The following MDGA2 variants were observed in gnomAD, a reference collection of about 807,000 sequenced individuals.
The protein encoded by MDGA2 is MAM domain-containing glycosylphosphatidylinositol anchor protein 2.
In MDGA2, 40 loss-of-function variants were observed where a neutral mutation model predicts 117.8. The observed-to-expected ratio is 0.34, with a 90% CI of 0.26 to 0.44. The LOEUF is 0.44. MDGA2 is among the 20% of genes least tolerant of loss of function. The probability of loss-of-function intolerance (pLI) is 1.00; values close to 1 mark genes in which losing one functional copy is unlikely to be tolerated. For synonymous variants in MDGA2, 452 were observed against 439.0 expected (o/e 1.03, Z -0.37); for missense variants, 1,123 against 1,250.6 (o/e 0.90, Z 1.54).
At chr14:47,000,053 TTA>T (rs890652661) in intron 8 of MDGA2, among the ~76,000 whole-genome samples, 1 of 151,780 alleles carries the variant, frequency 6.6e-6, no homozygotes, top group African/African-American at 2.4e-5. Context: ...TTTACAACTT[TTA>T]GTTATCTTGC....
At chr14:46,939,169 G>A (rs1046441245) in intron 9 of MDGA2, among the ~76,000 whole-genome samples, 3 of 152,112 alleles carry the variant, frequency 2.0e-5, no homozygotes, top group Non-Finnish European at 2.9e-5. Context: ...CAAAATTACA[G>A]ATAGGAGGGA....
chr14:47,107,063 C>T (rs140784141), intron 5 of MDGA2, among the ~76,000 whole-genome samples: 2,375 of 130,126 alleles, frequency 0.018, 97 homozygotes, highest in Non-Finnish European at 0.028. Flanking sequence ...CTTCTATCCC[C>T]CCACCTTAAC....
chr14:47,193,714 G>A (rs971484154), intron 3 of MDGA2, among the ~76,000 whole-genome samples: 2 of 152,302 alleles, frequency 1.3e-5, no homozygotes, highest in African/African-American at 4.8e-5. Flanking sequence ...TCCTAGCCTG[G>A]ATTCACAGCA....
In MDGA2 at chr14:47,600,703, G is replaced by A. The variant is rs543150814; in HGVS notation, c.280+73814C>T. ...TGTCCTGGTAAACTACACGAGTTGT[G>A]TCTTTTCTCATCGGATCATTAAAAA... On this transcript the variant is annotated intron_variant, in intron 1 of 16. Coordinates refer to ENST00000399232, the MANE Select transcript of MDGA2 (RefSeq NM_001113498.3). Among the ~76,000 whole-genome samples the A allele has an allele frequency of 5.4e-5, 8 of 148,484 alleles. 1 individual carries two copies. Among genetic ancestry groups the A allele is most frequent in the African/African-American group, 2.1e-4 (8 of 38,676 alleles).
chr14:47,552,885 T>G (rs1895611147), intron 1 of MDGA2, among the ~76,000 whole-genome samples: 1 of 152,250 alleles, frequency 6.6e-6, no homozygotes, highest in Non-Finnish European at 1.5e-5. Context: ...ACATCATCTT[T>G]GTACTTACGT....
At chr14:47,382,036 A>G (rs1184769703) in intron 1 of MDGA2, among the ~76,000 whole-genome samples, 1 of 152,236 alleles carries the variant, frequency 6.6e-6, no homozygotes, top group African/African-American at 2.4e-5. Flanking sequence ...CAGAGCCCTC[A>G]AAAATAATAC....
At chr14:47,413,626 C>T (rs544880415) in intron 1 of MDGA2, among the ~76,000 whole-genome samples, 1 of 151,430 alleles carries the variant, frequency 6.6e-6, no homozygotes, top group East Asian at 1.9e-4. Context: ...ACTGGCCATC[C>T]CTCTCCCTCT....
chr14:47,225,708 T>C (rs1212184602), intron 2 of MDGA2, among the ~76,000 whole-genome samples: 1 of 151,906 alleles, frequency 6.6e-6, no homozygotes, highest in Non-Finnish European at 1.5e-5. Flanking sequence ...ATATACCTAA[T>C]GCTAAATGAC....
chr14:46,863,744 A>C (rs1432064137), intron 14 of MDGA2, among the ~76,000 whole-genome samples: 1 of 152,112 alleles, frequency 6.6e-6, no homozygotes. Flanking sequence ...TATTACATAC[A>C]TTGTCTAAGG....
At position 47,203,751 on chromosome 14, in the gene MDGA2, G is replaced by T. The variant is rs957375421; in HGVS notation, c.595+14270C>A. ...GTGTTAAAATGACACACCTAGTTTT[G>T]ATTCAAGAGATCTGGGCTTAGACCA... is the stretch of plus-strand genomic sequence containing the variant. On this transcript the variant is annotated intron_variant, in intron 3 of 16. Transcript: ENST00000399232. Among the ~76,000 whole-genome samples, 18 of 151,960 alleles carry T rather than the reference G, an allele frequency of 1.2e-4. 1 individual carries two copies. The highest frequency in any genetic ancestry group is 7.4e-5 in the Non-Finnish European group (5 of 67,914).
chr14:47,421,805 C>G (rs1892585024), intron 1 of MDGA2, among the ~76,000 whole-genome samples: 1 of 152,116 alleles, frequency 6.6e-6, no homozygotes, highest in African/African-American at 2.4e-5. Flanking sequence ...CTAGATTATA[C>G]TTCCTAAATG....
intron 3 of MDGA2, among the ~76,000 whole-genome samples, chr14:47,180,262 C>T (rs929049877): frequency 4.6e-5 from 7 of 152,082 alleles, no homozygotes; most frequent in South Asian, 2.1e-4. Flanking sequence ...TTAGCTCCCA[C>T]TTTTAAGTAA....
intron 1 of MDGA2, among the ~76,000 whole-genome samples, chr14:47,485,472 A>G (rs151248804): frequency 1.3e-5 from 2 of 152,190 alleles, no homozygotes; most frequent in Admixed American, 6.5e-5. Flanking sequence ...CTAACAATGC[A>G]ATAGGAAAGA....
At chr14:47,436,258 G>A (rs1892896029) in intron 1 of MDGA2, among the ~76,000 whole-genome samples, 1 of 152,088 alleles carries the variant, frequency 6.6e-6, no homozygotes, top group Admixed American at 6.6e-5. Context: ...AATGGCTAAA[G>A]TTTATATAAT....
chr14:47,251,913 A>C, intron 2 of MDGA2, among the ~76,000 whole-genome samples: 1 of 149,574 alleles, frequency 6.7e-6, no homozygotes, highest in African/African-American at 2.4e-5. Flanking sequence ...TTGACTCAGA[A>C]CAAGGTTGGT....
chr14:47,510,786 A>G (rs1309396674), intron 1 of MDGA2, among the ~76,000 whole-genome samples: 1 of 152,220 alleles, frequency 6.6e-6, no homozygotes, highest in Admixed American at 6.5e-5. Flanking sequence ...CATCACAGTT[A>G]ACCTCCCATC....
intron 1 of MDGA2, among the ~76,000 whole-genome samples, chr14:47,380,821 A>T (rs1282648386): frequency 2.0e-5 from 3 of 152,064 alleles, no homozygotes; most frequent in Non-Finnish European, 4.4e-5. Context: ...AAACTATTCC[A>T]ATGAATAGAA....
intron 9 of MDGA2, among the ~76,000 whole-genome samples, chr14:46,956,841 T>A (rs1329266503): frequency 6.6e-6 from 1 of 152,108 alleles, no homozygotes; most frequent in Non-Finnish European, 1.5e-5. Flanking sequence ...GGGGGTGGAT[T>A]TCCCCCTTGC....
intron 1 of MDGA2, among the ~76,000 whole-genome samples, chr14:47,532,172 C>G (rs1446481684): frequency 6.6e-6 from 1 of 152,180 alleles, no homozygotes; most frequent in African/African-American, 2.4e-5. Context: ...GATTAATTAC[C>G]AAGCCCTTTA....
Sources: gnomAD v4.1 joint callset for allele counts (sites outside exome capture counted in the v4.1 genomes callset) on GRCh38, gnomAD v4.1.1 for gene constraint, MANE v1.5 for transcripts, NCBI Gene and HGNC (gene_info 2026-07-23, HGNC 2026-07-21) for gene names.